MSI2: variants seen among roughly 807,000 people sequenced by gnomAD.
MSI2 encodes the protein RNA-binding protein Musashi homolog 2.
Under a neutral mutation model 45.6 loss-of-function variants are expected in MSI2, and 17 were observed. The ratio of observed to expected loss-of-function variants is 0.37; its 90% CI spans 0.26 to 0.56. MSI2 has a LOEUF of 0.56. MSI2 is among the 20% of genes least tolerant of loss of function. The pLI is 0.77. For missense variants in MSI2, 293 were observed against 444.2 expected (o/e 0.66, Z 3.06); for synonymous variants, 156 against 158.2 (o/e 0.99, Z 0.11).
chr17:57,533,630 G>C (rs112664719), intron 7 of MSI2, among the ~76,000 whole-genome samples: 1 of 152,198 alleles, frequency 6.6e-6, no homozygotes, highest in African/African-American at 2.4e-5. Flanking sequence ...GGTTCCCTGG[G>C]AAGCAACTCT....
intron 6 of MSI2, among the ~76,000 whole-genome samples, chr17:57,500,155 C>T (rs181903903): frequency 6.6e-6 from 1 of 152,132 alleles, no homozygotes; most frequent in East Asian, 1.9e-4. Context: ...ACGCTCAGGA[C>T]GGGTAGGAGG....
intron 6 of MSI2, among the ~76,000 whole-genome samples, chr17:57,432,058 A>G (rs1221275570): frequency 6.6e-6 from 1 of 152,180 alleles, no homozygotes; most frequent in African/African-American, 2.4e-5. Flanking sequence ...AATTGTAACT[A>G]TTAATCACGC....
At chr17:57,409,941 G>GAGGTTGCA (rs562533582) in intron 6 of MSI2, among the ~76,000 whole-genome samples, 4,786 of 143,594 alleles carry the variant, frequency 0.033, 106 homozygotes, top group Non-Finnish European at 0.05. Flanking sequence ...CCAGGAGGTG[G>GAGGTTGCA]AGGTTGCAGT....
rs1905266321 is a variant in MSI2 at position 57,596,607 on chromosome 17, T to C, written c.455-261T>C. Among the ~76,000 whole-genome samples the C allele has an allele frequency of 6.6e-6, 1 of 152,220 alleles. No homozygotes were observed. The highest frequency in any genetic ancestry group is 1.5e-5 in the Non-Finnish European group (1 of 68,032). On this transcript the variant is annotated intron_variant, in intron 7 of 13. Transcript: ENST00000284073. The surrounding 1 kb of genome is among the most constrained non-coding windows in gnomAD (Gnocchi z 4.6). ...GTAAATAACAGACAAGTAAATTTCT[T>C]GTTTGCTTCGGGGCAAATGTAAACC...
intron 5 of MSI2, among the ~76,000 whole-genome samples, chr17:57,320,209 CCTT>C: frequency 6.6e-6 from 1 of 152,288 alleles, no homozygotes; most frequent in East Asian, 1.9e-4. Flanking sequence ...CTTGCAGTCA[CCTT>C]CTTGTTCAAT....
chr17:57,341,356 C>G (rs894537694), intron 5 of MSI2, among the ~76,000 whole-genome samples: 9 of 152,156 alleles, frequency 5.9e-5, no homozygotes, highest in Admixed American at 5.2e-4. Context: ...GAAAGGTAAT[C>G]ACGTATTTAG....
At chr17:57,308,897 T>A (rs949559118) in intron 5 of MSI2, among the ~76,000 whole-genome samples, 1 of 152,156 alleles carries the variant, frequency 6.6e-6, no homozygotes, top group East Asian at 1.9e-4. Flanking sequence ...GAGGGTACAG[T>A]TGGGCTATTT....
At chr17:57,595,049 A>G (rs1229252705) in intron 7 of MSI2, among the ~76,000 whole-genome samples, 1 of 152,168 alleles carries the variant, frequency 6.6e-6, no homozygotes, top group East Asian at 1.9e-4. Context: ...TCTCATACCG[A>G]AGAATCTGCT....
chr17:57,561,852 A>AT, intron 7 of MSI2, among the ~76,000 whole-genome samples: 1 of 152,318 alleles, frequency 6.6e-6, no homozygotes, highest in East Asian at 1.9e-4. Flanking sequence ...CAGTGGCCCC[A>AT]TTTTAAAGAT....
Position 57,271,744 on chromosome 17 carries a change from CTTTTTT to C in MSI2, c.312+9570_312+9575del, listed in dbSNP as rs60803369. Among the ~76,000 whole-genome samples the C allele has an allele frequency of 2.3e-3, 244 of 107,598 alleles. 1 individual carries two copies. The highest frequency in any genetic ancestry group is 8.1e-3 in the African/African-American group (233 of 28,626). 70.6% of individuals were successfully genotyped at this position (107,598 alleles called of 152,430 possible). A position where few individuals can be genotyped will look rare whatever the true frequency, so the allele number is the denominator to read the frequency against. Reference sequence around the variant, plus strand: ...TGCAAAATAGACGGGCCACTGCAATCTTTTTTTTTTTTTTTTTTTTTTTAAGCTGAC... The same window carrying C: ...TGCAAAATAGACGGGCCACTGCAATCTTTTTTTTTTTTTTTTTAAGCTGAC... On this transcript the variant is annotated intron_variant, in intron 5 of 13. Transcript: ENST00000284073.
intron 6 of MSI2, among the ~76,000 whole-genome samples, chr17:57,487,426 T>C (rs892281742): frequency 1.3e-5 from 2 of 152,210 alleles, no homozygotes; most frequent in Non-Finnish European, 2.9e-5. Flanking sequence ...AAAAACTGCT[T>C]GCCTCTCTCC....
intron 7 of MSI2, among the ~76,000 whole-genome samples, chr17:57,575,806 C>G (rs4793873): frequency 0.21 from 32,553 of 151,754 alleles, 3,612 homozygotes; most frequent in Middle Eastern, 0.3. Flanking sequence ...TTAGCCGGGC[C>G]TGGTGGCAGG....
chr17:57,462,789 T>C (rs1391872722), intron 6 of MSI2, among the ~76,000 whole-genome samples: 2 of 152,210 alleles, frequency 1.3e-5, no homozygotes, highest in East Asian at 3.8e-4. Flanking sequence ...AAGTCTGTAA[T>C]GTGGCAGAGG....
At chr17:57,387,682 A>G (rs1023066117) in intron 5 of MSI2, among the ~76,000 whole-genome samples, 1 of 152,214 alleles carries the variant, frequency 6.6e-6, no homozygotes, top group Non-Finnish European at 1.5e-5. Flanking sequence ...TAGAATTCAT[A>G]ATAATTAGTA....
At chr17:57,426,899 G>A (rs1484830177) in intron 6 of MSI2, among the ~76,000 whole-genome samples, 1 of 152,270 alleles carries the variant, frequency 6.6e-6, no homozygotes, top group Non-Finnish European at 1.5e-5. Flanking sequence ...AGTGTTTGAG[G>A]AAGAGATTAA....
chr17:57,462,845 C>G (rs1228582329), intron 6 of MSI2, among the ~76,000 whole-genome samples: 1 of 152,218 alleles, frequency 6.6e-6, no homozygotes, highest in Non-Finnish European at 1.5e-5. Context: ...ATTGCAAGGG[C>G]TGCTGTGCCG....
intron 5 of MSI2, among the ~76,000 whole-genome samples, chr17:57,387,473 A>G (rs1417493077): frequency 6.6e-6 from 1 of 152,226 alleles, no homozygotes; most frequent in East Asian, 1.9e-4. Context: ...GGCCAGCTTT[A>G]TCTCATAGAG....
intron 6 of MSI2, among the ~76,000 whole-genome samples, chr17:57,526,802 C>T (rs200021574): frequency 1.5e-4 from 23 of 152,042 alleles, no homozygotes; most frequent in Non-Finnish European, 3.1e-4. Context: ...TATTTTGTAA[C>T]GTGTTAATAG....
chr17:57,699,192 T>A, the MSI2 span, among the ~76,000 whole-genome samples: 57 of 97,752 alleles, frequency 5.8e-4, no homozygotes, highest in East Asian at 1.2e-3. Context: ...AGTGTGTGTG[T>A]GTGTGTGTGT....
Sources: gnomAD v4.1 joint callset for allele counts (sites outside exome capture counted in the v4.1 genomes callset) on GRCh38, gnomAD v4.1.1 for gene constraint, Gnocchi (gnomAD v3.1) non-coding constraint, MANE v1.5 for transcripts, NCBI Gene and HGNC (gene_info 2026-07-23, HGNC 2026-07-21) for gene names.